The following PDGFD variants were observed in gnomAD, a reference collection of about 807,000 sequenced individuals.
PDGFD encodes platelet derived growth factor D.
PDGFD carries 30 observed loss-of-function variants against 44.7 expected under a neutral mutation model. The observed-to-expected ratio is 0.67, with a 90% CI of 0.50 to 0.91. PDGFD has a LOEUF of 0.91. Among genes scored for constraint, PDGFD ranks in the 40% least tolerant of loss-of-function variants. PDGFD has a pLI of 0.00. For missense variants in PDGFD, 445 were observed against 457.8 expected, an observed-to-expected ratio of 0.97 and a Z score of 0.25; for synonymous variants, 173 against 168.4, an observed-to-expected ratio of 1.03 and a Z score of -0.21.
rs3050634 is a variant in PDGFD at position 104,161,950 on chromosome 11, A to AGTGTGTGT, written c.124+1846_124+1853dup. ...TGAGCAATCAGAACTAATCAAAGAG[A>AGTGTGTGT]GTGTGTGTGTGTGTGTGTGTGTGTG... On this transcript the variant is annotated intron_variant, in intron 1 of 6. Transcript: ENST00000393158. Among the ~76,000 whole-genome samples the AGTGTGTGT allele has an allele frequency of 8.7e-3, 1,303 of 148,968 alleles. 11 individuals carry two copies. The highest frequency in any genetic ancestry group is 0.028 in the African/African-American group (1,139 of 40,614).
chr11:104,117,590 C>T (rs1861660677), intron 1 of PDGFD, among the ~76,000 whole-genome samples: 1 of 151,758 alleles, frequency 6.6e-6, no homozygotes. Context: ...CACCAAAAAG[C>T]GACCAAGCAG....
intron 5 of PDGFD, among the ~76,000 whole-genome samples, chr11:103,929,034 CGT>C (rs1341797875): frequency 6.6e-6 from 1 of 152,092 alleles, no homozygotes; most frequent in Non-Finnish European, 1.5e-5. Flanking sequence ...AGGAAGGGAT[CGT>C]GATGTGTGAG....
At chr11:103,977,651 T>C (rs192569551) in intron 3 of PDGFD, among the ~76,000 whole-genome samples, 1 of 152,222 alleles carries the variant, frequency 6.6e-6, no homozygotes, top group Admixed American at 6.6e-5. Context: ...AATATATTAG[T>C]ATAAAAAGAT....
chr11:104,118,942 TATAATAATATATC>T (rs1861691975), intron 1 of PDGFD, among the ~76,000 whole-genome samples: 1 of 83,330 alleles, frequency 1.2e-5, no homozygotes, highest in South Asian at 3.2e-4. Context: ...TAATATATAT[TATAATAATATATC>T]ATAATAAAAC....
chr11:103,981,185 G>A (rs1168327630), intron 3 of PDGFD, among the ~76,000 whole-genome samples: 2 of 151,514 alleles, frequency 1.3e-5, no homozygotes, highest in Non-Finnish European at 2.9e-5. Flanking sequence ...TCATAGAAGT[G>A]TGCCTGTTAC....
chr11:104,009,451 A>ATTG (rs780900878), intron 1 of PDGFD, among the ~76,000 whole-genome samples: 18 of 151,576 alleles, frequency 1.2e-4, no homozygotes, highest in Non-Finnish European at 2.4e-4. Flanking sequence ...TATTATTATT[A>ATTG]TTATCATTAC....
chr11:104,118,737 T>C (rs1219310874), intron 1 of PDGFD, among the ~76,000 whole-genome samples: 1 of 116,994 alleles, frequency 8.5e-6, no homozygotes, highest in Non-Finnish European at 1.7e-5. Flanking sequence ...AATATATTAA[T>C]ATATATTATT....
At chr11:104,163,705 C>T in intron 1 of PDGFD, 99 bp downstream of exon 1, 1 of 1,362,648 alleles carries the variant, frequency 7.3e-7, no homozygotes, top group South Asian at 1.8e-5. Context: ...CCCGAGTTCA[C>T]ATTCAAGATT....
At chr11:104,065,002 A>T (rs1860768732) in intron 1 of PDGFD, among the ~76,000 whole-genome samples, 1 of 152,188 alleles carries the variant, frequency 6.6e-6, no homozygotes, top group Non-Finnish European at 1.5e-5. Context: ...ACCCACCCTC[A>T]ATCTGGGTAA....
At chr11:104,114,486 G>T (rs1861603519) in intron 1 of PDGFD, among the ~76,000 whole-genome samples, 1 of 151,974 alleles carries the variant, frequency 6.6e-6, no homozygotes, top group East Asian at 1.9e-4. Flanking sequence ...ACACCATCTT[G>T]ATTACTATAG....
At chr11:104,059,930 A>G (rs909342050) in intron 1 of PDGFD, among the ~76,000 whole-genome samples, 4 of 152,226 alleles carry the variant, frequency 2.6e-5, no homozygotes, top group African/African-American at 9.6e-5. Flanking sequence ...CATTTTGAAT[A>G]TCAGTTGTCA....
At chr11:104,037,693 A>G in intron 1 of PDGFD, 3 of 1,614,088 alleles carry the variant, frequency 1.9e-6, no homozygotes, top group South Asian at 2.2e-5. Context: ...TGGGGTTGCT[A>G]AAGGAGTGGG....
chr11:104,052,888 A>G lies in PDGFD; in HGVS notation c.125-52633T>C, dbSNP rs558349523. 2.8e-5 allele frequency among the ~76,000 whole-genome samples: 4 copies of G among 140,482 alleles called. No homozygotes were observed. The South Asian group carries it at 9.3e-4, about 33-fold the overall frequency. 92.2% of individuals were successfully genotyped at this position (140,482 alleles called of 152,430 possible). ...TTCTTTCCCTCTCTCATGGTTCATT[A>G]TCAGAAAGACTCTGTAGGATTTTTA... On this transcript the variant is annotated intron_variant, in intron 1 of 6. Transcript: ENST00000393158.
At chr11:103,958,094 G>T (rs1010581580) in intron 3 of PDGFD, among the ~76,000 whole-genome samples, 1 of 151,732 alleles carries the variant, frequency 6.6e-6, no homozygotes, top group Non-Finnish European at 1.5e-5. Context: ...AGTAACGCCT[G>T]CCACTTATGG....
At chr11:104,055,561 ATTGT>A (rs891856208) in intron 1 of PDGFD, among the ~76,000 whole-genome samples, 5 of 152,350 alleles carry the variant, frequency 3.3e-5, no homozygotes, top group African/African-American at 7.2e-5. Context: ...AAAAGAAGTA[ATTGT>A]TTGAAGATTA....
intron 3 of PDGFD, among the ~76,000 whole-genome samples, chr11:103,959,431 T>G (rs1858903979): frequency 6.6e-6 from 1 of 152,224 alleles, no homozygotes; most frequent in Non-Finnish European, 1.5e-5. Context: ...ATGGTTAATG[T>G]AAAGTCTGAA....
In PDGFD at chr11:104,119,404, A is replaced by AATATATTGATATAAT. The variant is rs1565340867; in HGVS notation, c.124+44399_124+44400insATTATATCAATATAT. On this transcript the variant is annotated intron_variant, in intron 1 of 6. Coordinates refer to ENST00000393158, the MANE Select transcript of PDGFD (RefSeq NM_025208.5). ...TAATATATAATATGATATAATATAT[A>AATATATTGATATAAT]ATATAATATATTGATATAATATATA... Among the ~76,000 whole-genome samples, 5 of 26,786 alleles carry AATATATTGATATAAT rather than the reference A, an allele frequency of 1.9e-4. 2 individuals are homozygous for AATATATTGATATAAT. The highest frequency in any genetic ancestry group is 3.3e-4 in the Non-Finnish European group (5 of 15,096). The allele number at this position is 26,786 out of a possible 152,430, so 17.6% of individuals were successfully genotyped here.
At chr11:104,072,055 T>G (rs1259666545) in intron 1 of PDGFD, among the ~76,000 whole-genome samples, 2 of 151,854 alleles carry the variant, frequency 1.3e-5, no homozygotes, top group Non-Finnish European at 3.0e-5. Context: ...GGTTTTTGGG[T>G]TTTGTTCTTT....
At chr11:104,068,556 TAATC>T (rs1281027428) in intron 1 of PDGFD, among the ~76,000 whole-genome samples, 2 of 152,230 alleles carry the variant, frequency 1.3e-5, no homozygotes, top group Non-Finnish European at 2.9e-5. Context: ...AATTGCTACA[TAATC>T]AGAAAGAGCT....
Sources: allele counts gnomAD v4.1 joint callset (sites outside exome capture counted in the v4.1 genomes callset), GRCh38; gene constraint gnomAD v4.1.1; transcripts MANE v1.5; gene names NCBI Gene and HGNC (gene_info 2026-07-23, HGNC 2026-07-21).